LY96: variants seen among roughly 807,000 people sequenced by gnomAD.
LY96 encodes the protein myeloid differentiation protein-2.
Under a neutral mutation model 18.9 loss-of-function variants are expected in LY96, and 18 were observed. The ratio of observed to expected loss-of-function variants is 0.95; its 90% CI spans 0.66 to 1.41. The LOEUF is 1.41. LY96 is among the 40% of genes most tolerant of loss of function. The probability of loss-of-function intolerance (pLI) is 0.00; values close to 1 mark genes in which losing one functional copy is unlikely to be tolerated. For synonymous variants in LY96, 66 were observed against 62.6 expected, an observed-to-expected ratio of 1.06 and a Z score of -0.26; for missense variants, 175 against 182.4, an observed-to-expected ratio of 0.96 and a Z score of 0.23.
At chr8:74,038,351 G>C in the LY96 span, among the ~76,000 whole-genome samples, 5 of 151,712 alleles carry the variant, frequency 3.3e-5, no homozygotes, top group African/African-American at 7.3e-5. Flanking sequence ...GCCACCCCCC[G>C]TTCCCAGCCT....
chr8:74,046,903 C>CT, the LY96 span, among the ~76,000 whole-genome samples: 358 of 135,102 alleles, frequency 2.6e-3, 5 homozygotes, highest in African/African-American at 4.8e-3. Context: ...CATTCTCATT[C>CT]TTTTTTTTTT....
chr8:74,082,169 A>G, the LY96 span, among the ~76,000 whole-genome samples: 2 of 152,198 alleles, frequency 1.3e-5, no homozygotes, highest in African/African-American at 4.8e-5. Context: ...GGGAACAGAG[A>G]TGAATAAAAC....
At chr8:74,001,688 C>CA (rs548591196) in intron 1 of LY96, among the ~76,000 whole-genome samples, 3,397 of 143,862 alleles carry the variant, frequency 0.024, 45 homozygotes, top group South Asian at 0.038. Context: ...CTCATCTCTA[C>CA]AAAAAAAAAA....
At position 74,004,883 on chromosome 8, in the gene LY96, CAAGT is replaced by C; in HGVS notation, c.202+3_202+6del. Reference sequence around the variant, plus strand: ...GGATTATTGCACATTTTCTACATTCCAAGTAAGTTCAAATTTTTGCTTTTATAGA... The same window carrying C: ...GGATTATTGCACATTTTCTACATTCCAAGTTCAAATTTTTGCTTTTATAGA... On this transcript the variant is annotated splice_donor_variant and coding_sequence_variant, in exon 2 of 5. Coordinates refer to ENST00000284818, the MANE Select transcript of LY96 (RefSeq NM_015364.5). LOFTEE classifies it high-confidence loss of function. 1 of 1,590,058 alleles carries C rather than the reference CAAGT, an allele frequency of 6.3e-7. No individual in the cohort carries two copies. Among genetic ancestry groups the C allele is most frequent in the Non-Finnish European group, 8.6e-7 (1 of 1,160,968 alleles).
chr8:74,015,705 C>T (rs1045179418), intron 3 of LY96, among the ~76,000 whole-genome samples: 1 of 152,174 alleles, frequency 6.6e-6, no homozygotes, highest in Non-Finnish European at 1.5e-5. Flanking sequence ...TCAGATCCCG[C>T]CCCCTGCATA....
intron 3 of LY96, among the ~76,000 whole-genome samples, chr8:74,022,150 G>C (rs1156818236): frequency 1.3e-5 from 2 of 152,156 alleles, no homozygotes; most frequent in Non-Finnish European, 2.9e-5. Flanking sequence ...GCTCAAGCCT[G>C]TAATCCCAGC....
At chr8:74,074,334 T>G in the LY96 span, among the ~76,000 whole-genome samples, 1 of 152,234 alleles carries the variant, frequency 6.6e-6, no homozygotes, top group Non-Finnish European at 1.5e-5. Context: ...TCTAGACTTT[T>G]TTAACACTGA....
chr8:74,035,585 G>T, the LY96 span, among the ~76,000 whole-genome samples: 7 of 152,262 alleles, frequency 4.6e-5, no homozygotes, highest in East Asian at 9.7e-4. Context: ...TGACAGGAAG[G>T]GGGGATCAGA....
chr8:73,996,367 T>TC (rs1249993720), intron 1 of LY96, among the ~76,000 whole-genome samples: 214 of 110,414 alleles, frequency 1.9e-3, no homozygotes, highest in Middle Eastern at 8.0e-3. Context: ...CTTCCTTCCT[T>TC]CATTCCTTTC....
chr8:74,011,858 C>CA (rs570734407), intron 3 of LY96, among the ~76,000 whole-genome samples: 5,420 of 64,784 alleles, frequency 0.084, 183 homozygotes, highest in Admixed American at 0.16. Context: ...GACTCCATCT[C>CA]AAAAAAAAAA....
chr8:74,033,312 C>A (rs11997436), downstream of LY96, among the ~76,000 whole-genome samples: 13,828 of 152,004 alleles, frequency 0.091, 1,159 homozygotes, highest in African/African-American at 0.23. Context: ...AAAACAAAGG[C>A]CTTTAAAACA....
chr8:74,061,986 A>C, the LY96 span, among the ~76,000 whole-genome samples: 1 of 152,212 alleles, frequency 6.6e-6, no homozygotes, highest in Non-Finnish European at 1.5e-5. Context: ...TCAGACATGT[A>C]CTTTTTGGTA....
At chr8:74,015,366 C>G (rs1476724015) in intron 3 of LY96, among the ~76,000 whole-genome samples, 1 of 152,216 alleles carries the variant, frequency 6.6e-6, no homozygotes, top group Non-Finnish European at 1.5e-5. Context: ...CATGCTCCCT[C>G]TGTAGGAGCT....
At chr8:74,063,397 A>G in the LY96 span, among the ~76,000 whole-genome samples, 2 of 152,206 alleles carry the variant, frequency 1.3e-5, no homozygotes, top group African/African-American at 4.8e-5. Context: ...TATAGACAGA[A>G]TTTGTTGACA....
intron 1 of LY96, among the ~76,000 whole-genome samples, chr8:74,002,020 T>C (rs1816290268): frequency 1.3e-4 from 2 of 15,760 alleles, no homozygotes; most frequent in African/African-American, 1.0e-3. Context: ...CCTTCCTTCC[T>C]TCCTTCCTTC....
At chr8:74,025,472 T>A (rs935697991) in intron 3 of LY96, among the ~76,000 whole-genome samples, 2 of 151,142 alleles carry the variant, frequency 1.3e-5, no homozygotes, top group Non-Finnish European at 2.9e-5. Flanking sequence ...CTGGCCAACA[T>A]AGAGAAACTC....
the LY96 span, among the ~76,000 whole-genome samples, chr8:74,050,799 G>A: frequency 1.7e-3 from 266 of 152,250 alleles, no homozygotes; most frequent in East Asian, 3.3e-3. Flanking sequence ...CGAGGCAGGT[G>A]GATCACGAGG....
chr8:74,061,286 T>C, the LY96 span, among the ~76,000 whole-genome samples: 1 of 152,158 alleles, frequency 6.6e-6, no homozygotes, highest in East Asian at 1.9e-4. Context: ...ATTAATGCCG[T>C]TATAAGAAGA....
chr8:74,086,094 G>A, the LY96 span, among the ~76,000 whole-genome samples: 1 of 152,066 alleles, frequency 6.6e-6, no homozygotes, highest in Non-Finnish European at 1.5e-5. Context: ...TTTTCTATGG[G>A]TTCAACTTTT....
Sources: allele counts gnomAD v4.1 joint callset (sites outside exome capture counted in the v4.1 genomes callset), GRCh38; gene constraint gnomAD v4.1.1; transcripts MANE v1.5; gene names NCBI Gene and HGNC (gene_info 2026-07-23, HGNC 2026-07-21).